The following BARHL1 variants were observed in gnomAD, a reference collection of about 807,000 sequenced individuals.
BARHL1 encodes barH-like 1 homeobox protein.
Under a neutral mutation model 20.1 loss-of-function variants are expected in BARHL1, and 2 were observed. That is an observed-to-expected ratio of 0.10 (90% CI 0.04 to 0.31). The LOEUF (loss-of-function observed/expected upper bound fraction) is 0.31. Ranked by LOEUF, BARHL1 falls within the 10% of genes least tolerant of loss-of-function variation. The pLI is 1.00. For synonymous variants in BARHL1, 213 were observed against 209.9 expected (o/e 1.01, Z -0.13); for missense variants, 397 against 454.0 (o/e 0.87, Z 1.14).
In BARHL1 at chr9:132,587,158, T is replaced by C. The variant is rs1266446031; in HGVS notation, c.467-171T>C. Among the ~76,000 whole-genome samples the C allele has an allele frequency of 1.3e-5, 2 of 152,318 alleles. No homozygotes were observed. Among genetic ancestry groups the C allele is most frequent in the Admixed American group, 1.3e-4 (2 of 15,310 alleles). On this transcript the variant is annotated intron_variant, in intron 1 of 2. Coordinates refer to ENST00000263610, the MANE Select transcript of BARHL1 (RefSeq NM_020064.4). This position sits in a 1 kb window ranked among gnomAD's most constrained non-coding sequence, Gnocchi z 5.5. ...GCCGTCCTGTTCCCCTCAGGGTTCA[T>C]GTCCTGTTCCCGGGGCCCCAGAGGT...
intron 2 of BARHL1, 99 bp from the exon 3 acceptor site, chr9:132,589,126 TTGG>T: frequency 6.7e-7 from 1 of 1,497,952 alleles, no homozygotes; most frequent in South Asian, 1.4e-5. Context: ...ACGATCCCTC[TTGG>T]CCTCCCTACA....
chr9:132,585,208 C>T (rs953783115), intron 1 of BARHL1, among the ~76,000 whole-genome samples: 1 of 152,202 alleles, frequency 6.6e-6, no homozygotes, highest in African/African-American at 2.4e-5. Context: ...TGCCCAACCC[C>T]CACCCCAGGT....
intron 1 of BARHL1, among the ~76,000 whole-genome samples, chr9:132,585,912 T>A (rs1317241205): frequency 6.6e-6 from 1 of 152,228 alleles, no homozygotes; most frequent in African/African-American, 2.4e-5. Flanking sequence ...AGTTTGAGAT[T>A]TGGATGATCG....
At chr9:132,588,159 A>G (rs1190297558) in intron 2 of BARHL1, among the ~76,000 whole-genome samples, 3 of 152,064 alleles carry the variant, frequency 2.0e-5, no homozygotes, top group Non-Finnish European at 4.4e-5. Context: ...CTCGTTTCCT[A>G]ATTTCCCTCC....
intron 1 of BARHL1, among the ~76,000 whole-genome samples, chr9:132,584,902 T>C (rs1248929683): frequency 5.3e-5 from 8 of 152,168 alleles, no homozygotes; most frequent in Non-Finnish European, 7.4e-5. Context: ...TAAATATATA[T>C]TCATAACATC....
intron 2 of BARHL1, among the ~76,000 whole-genome samples, chr9:132,588,303 G>A (rs1589938922): frequency 6.6e-6 from 1 of 152,108 alleles, no homozygotes; most frequent in East Asian, 1.9e-4. Context: ...CAGCCCCACA[G>A]TCACTCGCAC....
intron 1 of BARHL1, among the ~76,000 whole-genome samples, chr9:132,584,086 A>G (rs1830102986): frequency 6.6e-6 from 1 of 151,812 alleles, no homozygotes; most frequent in African/African-American, 2.4e-5. Flanking sequence ...TCCCATCGTA[A>G]CCAAGGAGAT....
rs891260914 is a variant in BARHL1 at position 132,587,082 on chromosome 9, T to C, written c.467-247T>C. 4.6e-5 allele frequency among the ~76,000 whole-genome samples: 7 copies of C among 152,094 alleles called. No individual in the cohort carries two copies. The highest frequency in any genetic ancestry group is 1.7e-4 in the African/African-American group (7 of 41,420). ...GACTGGAGTTCTCGCCAGCTTCGGG[T>C]TCTTTCTCCCCGGAGCTGCCCGGGG... On this transcript the variant is annotated intron_variant, in intron 1 of 2. Transcript: ENST00000263610. This position sits in a 1 kb window ranked among gnomAD's most constrained non-coding sequence, Gnocchi z 5.5.
chr9:132,584,668 A>G (rs1830119365), intron 1 of BARHL1, among the ~76,000 whole-genome samples: 1 of 152,130 alleles, frequency 6.6e-6, no homozygotes, highest in African/African-American at 2.4e-5. Context: ...CCCCACACAA[A>G]TGGCCGAGCC....
chr9:132,589,291 A>C lies in BARHL1; in HGVS notation c.753A>C (p.Ser251=), dbSNP rs1354466339. ...LELLAEAGNY[S]ALQRMFPSPY... ...TGCTGGCGGAGGCAGGCAATTACTC[A>C]GCGCTCCAGCGGATGTTCCCGTCGC... Residue 251 remains serine (S), a synonymous_variant, in exon 3 of 3, where the codon TCA becomes TCC. Coordinates refer to ENST00000263610, the MANE Select transcript of BARHL1 (RefSeq NM_020064.4). 3.3e-5 allele frequency: 54 copies of C among 1,613,220 alleles called. No individual in the cohort carries two copies. The highest frequency in any genetic ancestry group is 4.2e-5 in the Non-Finnish European group (49 of 1,179,924).
rs1830184843 is a variant in BARHL1, at chr9:132,589,595, A to C, written c.*73A>C. ...CTTCCGCCCGCCTTTCTGAGGGCGC[A>C]GGTTCGACGCCCTTTCCCGGGAGGG... On this transcript the variant is annotated 3_prime_UTR_variant, in exon 3 of 3. Coordinates refer to ENST00000263610, the MANE Select transcript of BARHL1 (RefSeq NM_020064.4). 1 of 1,236,730 alleles carries C rather than the reference A, an allele frequency of 8.1e-7. No homozygotes were observed. The highest frequency in any genetic ancestry group is 1.6e-5 in the African/African-American group (1 of 63,592). The allele number at this position is 1,236,730 out of a possible 1,614,324, so 76.6% of individuals were successfully genotyped here.
At position 132,582,827 on chromosome 9, in the gene BARHL1, C is replaced by T; in HGVS notation, c.30C>T (p.Asp10=). The T allele has an allele frequency of 1.2e-6, 2 of 1,605,274 alleles. No homozygotes were observed. The highest frequency in any genetic ancestry group is 8.5e-7 in the Non-Finnish European group (1 of 1,174,832). The stretch of plus-strand genomic sequence containing the variant: ...AAGGCTCCAATGGCTTTGGGATCGA[C>T]TCCATTCTCTCCCACCGCGCGGGCA... MEGSNGFGI[D]SILSHRAGSP... is the part of the protein sequence containing the mutation. The change falls in exon 1 of 3, where the codon GAC becomes GAT. Residue 10 remains aspartate, a synonymous_variant. Transcript: ENST00000263610.
rs1221961816 is a variant in BARHL1 at position 132,587,164 on chromosome 9, GT to G, written c.467-163del. ...CTGTTCCCCTCAGGGTTCATGTCCT[GT>G]TCCCGGGGCCCCAGAGGTCCCGTCT... On this transcript the variant is annotated intron_variant, in intron 1 of 2. Transcript: ENST00000263610. The surrounding 1 kb of genome is among the most constrained non-coding windows in gnomAD (Gnocchi z 5.5). 6.6e-6 allele frequency among the ~76,000 whole-genome samples: 1 copy of G among 152,242 alleles called. No individual in the cohort carries two copies. The highest frequency in any genetic ancestry group is 1.5e-5 in the Non-Finnish European group (1 of 68,052).
In BARHL1 at chr9:132,583,183, T is replaced by A; in HGVS notation, c.386T>A (p.Leu129His). 6.2e-7 allele frequency: 1 copy of A among 1,613,494 alleles called. No individual in the cohort carries two copies. Residue 129 changes from leucine to histidine, a missense_variant, in exon 1 of 3, where the codon CTT (leucine) becomes CAT (histidine). Around this residue, in one of 3 missense-constraint regions of BARHL1, gnomAD observed 272 missense variants for 298.7 expected, o/e 0.91. Coordinates refer to ENST00000263610, the MANE Select transcript of BARHL1 (RefSeq NM_020064.4). ...QPAAPEPGGR[L>H]AAKAAEDFRD... ...GCAGCCCCTGAGCCTGGGGGCCGCC[T>A]TGCGGCCAAGGCCGCGGAGGACTTT...
chr9:132,587,665 C>A lies in BARHL1; in HGVS notation c.689+114C>A. The A allele has an allele frequency of 9.7e-7, 1 of 1,030,396 alleles. No individual in the cohort carries two copies. The highest frequency in any genetic ancestry group is 1.4e-6 in the Non-Finnish European group (1 of 712,136). 63.8% of individuals were successfully genotyped at this position (1,030,396 alleles called of 1,614,324 possible). ...GCTAAGGGAGGGCCCCAGAGCCTCC[C>A]CCATTCTGTAAAAGTGGGAAACTGA... On this transcript the variant is annotated intron_variant, in intron 2 of 2. Coordinates refer to ENST00000263610, the MANE Select transcript of BARHL1 (RefSeq NM_020064.4). The surrounding 1 kb of genome is among the most constrained non-coding windows in gnomAD (Gnocchi z 5.5).
chr9:132,584,186 A>G (rs556896668), intron 1 of BARHL1, among the ~76,000 whole-genome samples: 22 of 152,240 alleles, frequency 1.4e-4, no homozygotes, highest in African/African-American at 4.6e-4. Flanking sequence ...GGAAGAAGAA[A>G]AAAAAAGAAT....
At chr9:132,583,365 G>C (rs1830096431) in intron 1 of BARHL1, 102 bp downstream of exon 1, 6 of 1,069,288 alleles carry the variant, frequency 5.6e-6, no homozygotes, top group Non-Finnish European at 7.9e-6. Context: ...TCACCTGGGG[G>C]CTCCCCCAGG....
In BARHL1 at chr9:132,589,429, C is replaced by T; in HGVS notation, c.891C>T (p.Arg297=). The T allele has an allele frequency of 6.2e-7, 1 of 1,608,950 alleles. No homozygotes were observed. The highest frequency in any genetic ancestry group is 8.5e-7 in the Non-Finnish European group (1 of 1,178,432). The change falls in exon 3 of 3, where the codon CGC becomes CGT. Residue 297 remains arginine (R), a synonymous_variant. Transcript: ENST00000263610. The stretch of plus-strand genomic sequence containing the variant: ...CTCTCCAGAGACCTCTGGTGCCCCG[C>T]ATCCTCATCCACGGACTCCAGGGCG... ...PPALQRPLVP[R]ILIHGLQGAS... is the part of the protein sequence containing the mutation.
In BARHL1 at chr9:132,589,222, C is replaced by T. The variant is rs1244674215; in HGVS notation, c.690-6C>T. On this transcript the variant is annotated splice_region_variant and splice_polypyrimidine_tract_variant and intron_variant, in intron 2 of 2. Coordinates refer to ENST00000263610, the MANE Select transcript of BARHL1 (RefSeq NM_020064.4). ...TCCCGCCATACGCGTTTATTTCGGC[C>T]CCCAGGACTAAATGGAAGCGACAGA... The T allele has an allele frequency of 8.7e-6, 14 of 1,606,526 alleles. No individual in the cohort carries two copies. The highest frequency in any genetic ancestry group is 8.0e-5 in the African/African-American group (6 of 74,786).
Sources: allele counts gnomAD v4.1 joint callset (sites outside exome capture counted in the v4.1 genomes callset), GRCh38; gene constraint gnomAD v4.1.1; regional missense constraint gnomAD v4.1.1; non-coding constraint Gnocchi (gnomAD v3.1); transcripts MANE v1.5; gene names NCBI Gene and HGNC (gene_info 2026-07-23, HGNC 2026-07-21).